KDM5A: variants seen among roughly 807,000 people sequenced by gnomAD.
KDM5A encodes the protein lysine-specific demethylase 5A.
In KDM5A, 42 loss-of-function variants were observed where a neutral mutation model predicts 193.5. The observed-to-expected ratio is 0.22, with a 90% CI of 0.17 to 0.28. The LOEUF (loss-of-function observed/expected upper bound fraction) is 0.28. KDM5A is among the 10% of genes least tolerant of loss of function. The probability of loss-of-function intolerance (pLI) is 1.00; values close to 1 mark genes in which losing one functional copy is unlikely to be tolerated. For synonymous variants in KDM5A, 796 were observed against 718.1 expected (o/e 1.11, Z -1.73); for missense variants, 1,692 against 2,055.1 (o/e 0.82, Z 3.42).
chr12:386,854 A>G (rs1944643108), intron 1 of KDM5A, among the ~76,000 whole-genome samples: 1 of 152,144 alleles, frequency 6.6e-6, no homozygotes, highest in Non-Finnish European at 1.5e-5. Flanking sequence ...GTGGAATTCA[A>G]TGAGGTCATG....
At chr12:362,752 G>A (rs1405611019) in intron 5 of KDM5A, among the ~76,000 whole-genome samples, 2 of 152,080 alleles carry the variant, frequency 1.3e-5, no homozygotes, top group African/African-American at 4.8e-5. Flanking sequence ...GTGGCCTCCC[G>A]TGACCAGGTA....
chr12:335,969 G>A (rs2137428077), intron 10 of KDM5A, among the ~76,000 whole-genome samples: 1 of 150,426 alleles, frequency 6.6e-6, no homozygotes, highest in South Asian at 2.1e-4. Flanking sequence ...CTTGAACCCG[G>A]GAGGCAGAGA....
chr12:376,674 C>T lies in KDM5A; in HGVS notation c.366+7357G>A, dbSNP rs139253154. 3.0e-3 allele frequency among the ~76,000 whole-genome samples: 453 copies of T among 152,316 alleles called. 1 individual carries two copies. Among genetic ancestry groups the T allele is most frequent in the African/African-American group, 0.01 (430 of 41,572 alleles). On this transcript the variant is annotated intron_variant, in intron 3 of 27. Coordinates refer to ENST00000399788, the MANE Select transcript of KDM5A (RefSeq NM_001042603.3). ...AATCACCCGTCTTCTGCGTCGCTCACGCTGGGAGCTGTAGACCGGAGCTGT... is the reference window on the plus strand; with the variant it reads ...AATCACCCGTCTTCTGCGTCGCTCATGCTGGGAGCTGTAGACCGGAGCTGT...
At chr12:385,302 A>G (rs970625727) in intron 2 of KDM5A, among the ~76,000 whole-genome samples, 4 of 148,882 alleles carry the variant, frequency 2.7e-5, no homozygotes, top group Admixed American at 1.3e-4. Flanking sequence ...CTGTACTCTA[A>G]AAGTTTTCAT....
intron 3 of KDM5A, among the ~76,000 whole-genome samples, chr12:370,253 C>T (rs747967547): frequency 2.0e-5 from 3 of 152,078 alleles, no homozygotes; most frequent in Non-Finnish European, 4.4e-5. Context: ...ATTAGCAGGG[C>T]GTGGTGGCAG....
At chr12:378,584 A>T (rs1023914898) in intron 3 of KDM5A, among the ~76,000 whole-genome samples, 11 of 152,208 alleles carry the variant, frequency 7.2e-5, no homozygotes, top group Admixed American at 2.0e-4. Context: ...GTGTTTTAAA[A>T]GTGTACTACT....
chr12:329,755 C>T (rs1183709423), intron 13 of KDM5A, among the ~76,000 whole-genome samples: 2 of 151,964 alleles, frequency 1.3e-5, no homozygotes, highest in African/African-American at 2.4e-5. Flanking sequence ...TTGAAAATTT[C>T]CATAATTATC....
chr12:327,462 C>T lies in KDM5A; in HGVS notation c.1968+1373G>A, dbSNP rs562748311. Among the ~76,000 whole-genome samples, 170 of 152,328 alleles carry T rather than the reference C, an allele frequency of 1.1e-3. 2 individuals carry two copies. Among genetic ancestry groups the T allele is most frequent in the African/African-American group, 4.0e-3 (165 of 41,564 alleles). ...CAGTGGTTCACACCTGTAATCCCAA[C>T]ACTTTAGGAGGCCAAGGTGGGTGGA... On this transcript the variant is annotated intron_variant, in intron 14 of 27. Transcript: ENST00000399788.
intron 4 of KDM5A, among the ~76,000 whole-genome samples, chr12:365,613 C>T (rs113516640): frequency 1.3e-5 from 2 of 152,050 alleles, no homozygotes; most frequent in Non-Finnish European, 2.9e-5. Flanking sequence ...AGCTTACCAA[C>T]GGTGCACCCA....
At chr12:362,289 A>G (rs1351117211) in intron 5 of KDM5A, among the ~76,000 whole-genome samples, 2 of 152,004 alleles carry the variant, frequency 1.3e-5, no homozygotes, top group African/African-American at 4.8e-5. Flanking sequence ...AAGCTTGGGG[A>G]AAAAAAAGAA....
intron 12 of KDM5A, among the ~76,000 whole-genome samples, chr12:332,622 G>A (rs1176707131): frequency 6.6e-6 from 1 of 152,118 alleles, no homozygotes; most frequent in Non-Finnish European, 1.5e-5. Flanking sequence ...GGTATTTGCA[G>A]TATATTTTTA....
At position 334,206 on chromosome 12, in the gene KDM5A, G is replaced by C. The variant is rs79303687; in HGVS notation, c.1490+35C>G. On this transcript the variant is annotated intron_variant, in intron 11 of 27. Transcript: ENST00000399788. ...ATCATTAATCCACTAGACTTTAGTA[G>C]AGTTCATGCATGCTGTATTTTAGAC... 5,166 of 1,569,920 alleles carry C rather than the reference G, an allele frequency of 3.3e-3. 148 individuals carry two copies. In the African/African-American group the frequency reaches 0.061, roughly 19 times the overall value.
chr12:295,614 T>C lies in KDM5A; in HGVS notation c.4414A>G (p.Thr1472Ala), dbSNP rs1462414059. 3 of 1,614,140 alleles carry C rather than the reference T, an allele frequency of 1.9e-6. No individual in the cohort carries two copies. Among genetic ancestry groups the C allele is most frequent in the Non-Finnish European group, 2.5e-6 (3 of 1,180,000 alleles). The change falls in exon 26 of 28, where the codon ACA (threonine) becomes GCA (alanine). Residue 1472 changes from threonine to alanine, a missense_variant. Around this residue, in one of 11 missense-constraint regions of KDM5A, gnomAD observed 965 missense variants for 1,061.0 expected, o/e 0.91. Transcript: ENST00000399788. Reference sequence around the variant, plus strand: ...AATCTGTCTTCAGAGGGTGGGTGTGTGGCCTGCAAAATCCGCCATATGTGT... The same window carrying C: ...AATCTGTCTTCAGAGGGTGGGTGTGCGGCCTGCAAAATCCGCCATATGTGT... ...TQHIWRILQA[T>A]HPPSEDRFLH...
At chr12:353,121 G>A (rs1944183994) in intron 8 of KDM5A, among the ~76,000 whole-genome samples, 1 of 152,078 alleles carries the variant, frequency 6.6e-6, no homozygotes, top group Non-Finnish European at 1.5e-5. Context: ...AAGGCAGGTG[G>A]ACCACTTGAG....
At chr12:285,894 C>T (rs1208254795) in intron 27 of KDM5A, among the ~76,000 whole-genome samples, 1 of 152,192 alleles carries the variant, frequency 6.6e-6, no homozygotes, top group Non-Finnish European at 1.5e-5. Flanking sequence ...TACTCCATTA[C>T]CTCATGAATA....
rs764695871 is a variant in KDM5A at position 389,102 on chromosome 12, G to C, written c.-11C>G. On this transcript the variant is annotated 5_prime_UTR_variant, in exon 1 of 28. Transcript: ENST00000399788. ...CCCCACGCCCGCCATTGCAACGGCC[G>C]GGGGGGGGGGGGGGTCCCCGTGGGG... 8.0e-4 allele frequency: 4 copies of C among 5,014 alleles called. No individual in the cohort carries two copies. Among genetic ancestry groups the C allele is most frequent in the Non-Finnish European group, 1.1e-3 (3 of 2,714 alleles). 0.3% of individuals were successfully genotyped at this position (5,014 alleles called of 1,614,324 possible). A position where few individuals can be genotyped will look rare whatever the true frequency, so the allele number is the denominator to read the frequency against.
At chr12:324,173 G>A (rs187097210) in intron 14 of KDM5A, among the ~76,000 whole-genome samples, 36 of 152,170 alleles carry the variant, frequency 2.4e-4, no homozygotes, top group Non-Finnish European at 4.6e-4. Context: ...AGGCATGGTG[G>A]TGCATGCCTG....
In KDM5A at chr12:311,062, A is replaced by G; in HGVS notation, c.3039T>C (p.Ser1013=). ...EWTAKVEAIQ[S]GSNYAYLEQL... is the part of the protein sequence containing the mutation. ...GCTCCAAATAAGCGTAATTGCTGCC[A>G]CTCTGAAAAACCAAAGTAGATTCTC... Residue 1013 remains serine, a splice_region_variant and synonymous_variant, in exon 21 of 28, where the codon AGT becomes AGC. Transcript: ENST00000399788. 1 of 1,614,128 alleles carries G rather than the reference A, an allele frequency of 6.2e-7. No homozygotes were observed. The highest frequency in any genetic ancestry group is 1.1e-5 in the South Asian group (1 of 91,078).
chr12:311,810 G>T (rs941893878), intron 20 of KDM5A, among the ~76,000 whole-genome samples: 2 of 152,118 alleles, frequency 1.3e-5, no homozygotes, highest in African/African-American at 4.8e-5. Context: ...AAGACAGGCG[G>T]ATCACCTGAG....
Sources: gnomAD v4.1 joint callset for allele counts (sites outside exome capture counted in the v4.1 genomes callset) on GRCh38, gnomAD v4.1.1 for gene constraint, gnomAD v4.1.1 regional missense constraint, MANE v1.5 for transcripts, NCBI Gene and HGNC (gene_info 2026-07-23, HGNC 2026-07-21) for gene names.